The following LIMCH1 variants were observed in gnomAD, a reference collection of about 807,000 sequenced individuals.
LIMCH1 encodes the protein LIM and calponin homology domains-containing protein 1.
A neutral mutation model predicts 176.5 loss-of-function variants in LIMCH1; 113 were observed. The ratio of observed to expected loss-of-function variants is 0.64; its 90% CI spans 0.55 to 0.75. The LOEUF is 0.75. Ranked by LOEUF, LIMCH1 falls within the 30% of genes least tolerant of loss-of-function variation. The pLI is 0.00. For synonymous variants in LIMCH1, 619 were observed against 645.9 expected (o/e 0.96, Z 0.63); for missense variants, 1,674 against 1,814.9 (o/e 0.92, Z 1.41).
In LIMCH1 at chr4:41,627,018, TG is replaced by T. The variant is rs11335917; in HGVS notation, c.1028+10del. On this transcript the variant is annotated intron_variant, in intron 8 of 31. Transcript: ENST00000503057. Reference sequence around the variant, plus strand: ...AAGTCTAGAATATAAAAGGTGTGCATGGTGTGTGTGTGTGTGTGTGTGTGTG... The same window carrying T: ...AAGTCTAGAATATAAAAGGTGTGCATGTGTGTGTGTGTGTGTGTGTGTGTG... 10,627 of 1,305,614 alleles carry T rather than the reference TG, an allele frequency of 8.1e-3. 492 individuals carry two copies. In the African/African-American group the frequency reaches 0.16, roughly 20 times the overall value. 80.9% of individuals were successfully genotyped at this position (1,305,614 alleles called of 1,614,324 possible). A position where few individuals can be genotyped will look rare whatever the true frequency, so the allele number is the denominator to read the frequency against.
chr4:41,558,925 CCATCTGAGATTATGATAAATGTTTGA>C (rs2081678345), intron 1 of LIMCH1, among the ~76,000 whole-genome samples: 1 of 152,040 alleles, frequency 6.6e-6, no homozygotes. Context: ...CATGTCTTCA[CCATCTGAGATTATGATAAATGTTTGA>C]CTTACTAATG....
At chr4:41,419,469 C>T (rs1406775767) in intron 1 of LIMCH1, among the ~76,000 whole-genome samples, 5 of 152,094 alleles carry the variant, frequency 3.3e-5, no homozygotes, top group Non-Finnish European at 7.4e-5. Context: ...CCACCATACC[C>T]GGCCAAGTCA....
chr4:41,650,380 C>G lies in LIMCH1; in HGVS notation c.2821-13C>G, dbSNP rs1221284508. ...ATATATAGCATGTTTTTTGTTCATT[C>G]TGGCTTTTATAGGTAGACGGGAAAG... On this transcript the variant is annotated splice_polypyrimidine_tract_variant and intron_variant, in intron 17 of 31. Transcript: ENST00000503057. 3 of 1,606,102 alleles carry G rather than the reference C, an allele frequency of 1.9e-6. No homozygotes were observed. Among genetic ancestry groups the G allele is most frequent in the Admixed American group, 3.4e-5 (2 of 59,678 alleles).
At chr4:41,613,148 G>A in intron 4 of LIMCH1, 2 of 1,443,008 alleles carry the variant, frequency 1.4e-6, no homozygotes, top group South Asian at 1.2e-5. Flanking sequence ...TTGTACTGTT[G>A]TGAATCCAAA....
intron 2 of LIMCH1, among the ~76,000 whole-genome samples, chr4:41,509,469 T>C (rs192518180): frequency 2.5e-3 from 375 of 152,340 alleles, no homozygotes; most frequent in Non-Finnish European, 3.1e-3. Context: ...TTTGATAGAC[T>C]TTCTATGTAG....
At chr4:41,449,154 C>G (rs565018669) in intron 1 of LIMCH1, among the ~76,000 whole-genome samples, 19 of 152,230 alleles carry the variant, frequency 1.2e-4, no homozygotes, top group African/African-American at 4.6e-4. Context: ...CTGGACCTCT[C>G]TCTCTCATCC....
At chr4:41,687,152 T>C (rs1242835344) in intron 28 of LIMCH1, among the ~76,000 whole-genome samples, 1 of 152,180 alleles carries the variant, frequency 6.6e-6, no homozygotes, top group Non-Finnish European at 1.5e-5. Context: ...TTTTCTGTGT[T>C]CTACCCCTTT....
At chr4:41,442,120 C>T (rs1296219677) in intron 1 of LIMCH1, among the ~76,000 whole-genome samples, 2 of 151,928 alleles carry the variant, frequency 1.3e-5, no homozygotes, top group Non-Finnish European at 2.9e-5. Context: ...GGCAACATGG[C>T]GAAACTGCAT....
chr4:41,531,553 C>G (rs1389115766), intron 3 of LIMCH1, among the ~76,000 whole-genome samples: 4 of 151,072 alleles, frequency 2.6e-5, no homozygotes, highest in South Asian at 4.2e-4. Flanking sequence ...CCAAACCTCT[C>G]TATGCCCAGT....
intron 1 of LIMCH1, among the ~76,000 whole-genome samples, chr4:41,429,429 T>A (rs1454979131): frequency 6.6e-6 from 1 of 152,212 alleles, no homozygotes; most frequent in East Asian, 1.9e-4. Context: ...GTGAACAGAC[T>A]GTTCTCTACA....
intron 1 of LIMCH1, among the ~76,000 whole-genome samples, chr4:41,568,538 G>A (rs1343467756): frequency 6.6e-6 from 1 of 152,134 alleles, no homozygotes; most frequent in African/African-American, 2.4e-5. Flanking sequence ...AAAAACTAAT[G>A]CGAGAAAAAT....
chr4:41,503,850 C>T lies in LIMCH1; in HGVS notation c.167+9244C>T, dbSNP rs113933033. On this transcript the variant is annotated intron_variant, in intron 2 of 26. Coordinates refer to the LIMCH1 transcript ENST00000313860. ...ACTGCCCTTGCTCTGAGCTTCCTCC[C>T]AGCCTTTTTACCTCCCTCTCTAGGG... is the stretch of plus-strand genomic sequence containing the variant. 9.4e-3 allele frequency among the ~76,000 whole-genome samples: 1,424 copies of T among 152,284 alleles called. 16 individuals carry two copies. Among genetic ancestry groups the T allele is most frequent in the African/African-American group, 0.031 (1,306 of 41,576 alleles).
chr4:41,670,851 C>A, intron 21 of LIMCH1: 2 of 1,528,760 alleles, frequency 1.3e-6, no homozygotes, highest in South Asian at 2.4e-5. Flanking sequence ...TTGGGGCGAT[C>A]AATGATGTGT....
upstream of LIMCH1, among the ~76,000 whole-genome samples, chr4:41,360,100 C>T (rs959301378): frequency 6.6e-6 from 1 of 151,832 alleles, no homozygotes; most frequent in Non-Finnish European, 1.5e-5. This position sits in a 1 kb window ranked among gnomAD's most constrained non-coding sequence, Gnocchi z 4.5. Flanking sequence ...GTGCCTGACG[C>T]ATAGTAGGTG....
intron 4 of LIMCH1, among the ~76,000 whole-genome samples, chr4:41,608,593 A>G (rs1435478582): frequency 6.6e-6 from 1 of 152,224 alleles, no homozygotes; most frequent in East Asian, 1.9e-4. Flanking sequence ...GTTAAGTTCT[A>G]TAGTAAAGGT....
At chr4:41,493,027 T>C (rs2071379926) in intron 1 of LIMCH1, among the ~76,000 whole-genome samples, 1 of 152,148 alleles carries the variant, frequency 6.6e-6, no homozygotes, top group African/African-American at 2.4e-5. Flanking sequence ...TGATTAGTGT[T>C]ATCATGGTAT....
At chr4:41,459,221 T>C (rs1483254827) in intron 1 of LIMCH1, among the ~76,000 whole-genome samples, 3 of 152,132 alleles carry the variant, frequency 2.0e-5, no homozygotes, top group Non-Finnish European at 4.4e-5. Flanking sequence ...GATGGTGTAT[T>C]AGTGTTCAGT....
At chr4:41,663,134 CGTGT>C (rs60475434) in intron 20 of LIMCH1, 150 bp downstream of exon 20, 10,351 of 403,922 alleles carry the variant, frequency 0.026, 62 homozygotes, top group Middle Eastern at 0.031. Context: ...TTTTCTTTTT[CGTGT>C]GTGTGTGTGT....
intron 13 of LIMCH1, among the ~76,000 whole-genome samples, chr4:41,635,575 G>A (rs954598574): frequency 6.6e-6 from 1 of 152,104 alleles, no homozygotes; most frequent in African/African-American, 2.4e-5. Context: ...TTTCACATGG[G>A]AATGGACAGT....
Sources: gnomAD v4.1 joint callset for allele counts (sites outside exome capture counted in the v4.1 genomes callset) on GRCh38, gnomAD v4.1.1 for gene constraint, Gnocchi (gnomAD v3.1) non-coding constraint, MANE v1.5 for transcripts, NCBI Gene and HGNC (gene_info 2026-07-23, HGNC 2026-07-21) for gene names.